The following SHANK2 variants were observed in gnomAD, a reference collection of about 807,000 sequenced individuals.
SHANK2 encodes the protein SH3 and multiple ankyrin repeat domains 2.
Under a neutral mutation model 133.7 loss-of-function variants are expected in SHANK2, and 43 were observed. The ratio of observed to expected loss-of-function variants is 0.32; its 90% CI spans 0.25 to 0.41. SHANK2 has a LOEUF of 0.41. SHANK2 is among the 10% of genes least tolerant of loss of function. The probability of loss-of-function intolerance (pLI) is 1.00; values close to 1 mark genes in which losing one functional copy is unlikely to be tolerated. For synonymous variants in SHANK2, 1,017 were observed against 952.8 expected, an observed-to-expected ratio of 1.07 and a Z score of -1.24; for missense variants, 1,994 against 2,235.8, an observed-to-expected ratio of 0.89 and a Z score of 2.18.
At chr11:71,228,737 G>A (rs781446303) in intron 1 of SHANK2, among the ~76,000 whole-genome samples, 25 of 152,288 alleles carry the variant, frequency 1.6e-4, no homozygotes, top group Non-Finnish European at 2.4e-4. Context: ...CAGCCTGGGC[G>A]ACAAGAGTAA....
At chr11:70,556,281 A>G (rs1554979528) in intron 17 of SHANK2, among the ~76,000 whole-genome samples, 1 of 152,104 alleles carries the variant, frequency 6.6e-6, no homozygotes, top group Admixed American at 6.5e-5. Context: ...TTGTTTGACC[A>G]CTCACCTACT....
At position 70,472,696 on chromosome 11, in the gene SHANK2, G is replaced by T; in HGVS notation, c.*173C>A. 1.5e-6 allele frequency: 1 copy of T among 682,394 alleles called. No individual in the cohort carries two copies. The allele number at this position is 682,394 out of a possible 1,614,324, so 42.3% of individuals were successfully genotyped here. ...AAGACACCCACATGGTGAGCCAGGG[G>T]TCTGAAGACCCAGCCATGTTGTGGA... On this transcript the variant is annotated 3_prime_UTR_variant, in exon 26 of 26. Transcript: ENST00000601538. The surrounding 1 kb of genome is among the most constrained non-coding windows in gnomAD (Gnocchi z 4.4).
At chr11:71,095,607 T>C (rs189717981) in intron 6 of SHANK2, among the ~76,000 whole-genome samples, 1 of 152,196 alleles carries the variant, frequency 6.6e-6, no homozygotes, top group Non-Finnish European at 1.5e-5. Flanking sequence ...TCGGATGCCT[T>C]TCACAAGGCG....
intron 17 of SHANK2, among the ~76,000 whole-genome samples, chr11:70,601,308 C>T (rs927235505): frequency 6.6e-6 from 1 of 152,168 alleles, no homozygotes; most frequent in East Asian, 1.9e-4. Flanking sequence ...CAACCTTTGC[C>T]TCCTGGATTC....
intron 11 of SHANK2, among the ~76,000 whole-genome samples, chr11:70,877,704 C>T (rs1272135925): frequency 6.6e-6 from 1 of 152,184 alleles, no homozygotes; most frequent in Non-Finnish European, 1.5e-5. Flanking sequence ...ATTGGCTGGA[C>T]TCCTGAAGCT....
intron 8 of SHANK2, among the ~76,000 whole-genome samples, chr11:71,086,579 A>G (rs1951423352): frequency 6.8e-6 from 1 of 147,906 alleles, no homozygotes; most frequent in South Asian, 2.1e-4. Context: ...TTAGACTTGG[A>G]GTTAAGCAGA....
At chr11:70,904,357 T>C (rs1172647098) in intron 10 of SHANK2, among the ~76,000 whole-genome samples, 3 of 152,082 alleles carry the variant, frequency 2.0e-5, no homozygotes, top group Admixed American at 2.0e-4. Context: ...TGCAATCCCA[T>C]GCCATCACCT....
intron 11 of SHANK2, among the ~76,000 whole-genome samples, chr11:70,837,975 CAAAAAAAA>C (rs55862093): frequency 6.3e-3 from 158 of 25,166 alleles, no homozygotes; most frequent in African/African-American, 0.018. Flanking sequence ...CATTCTGTCT[CAAAAAAAA>C]AAAAAAAAAA....
chr11:70,783,691 C>T (rs573702818), intron 14 of SHANK2, among the ~76,000 whole-genome samples: 7 of 150,934 alleles, frequency 4.6e-5, no homozygotes, highest in Admixed American at 2.6e-4. Context: ...GCAGAGGGGG[C>T]GTCTGGGTGG....
chr11:70,594,176 G>A (rs1554988778), intron 17 of SHANK2, among the ~76,000 whole-genome samples: 1 of 152,204 alleles, frequency 6.6e-6, no homozygotes, highest in African/African-American at 2.4e-5. Flanking sequence ...GTCAACAGTT[G>A]TGGTCTACCC....
chr11:71,147,237 T>G lies in SHANK2; in HGVS notation c.90A>C (p.Glu30Asp). 1.3e-6 allele frequency: 2 copies of G among 1,550,954 alleles called. No individual in the cohort carries two copies. The highest frequency in any genetic ancestry group is 8.7e-7 in the Non-Finnish European group (1 of 1,146,944). Residue 30 changes from glutamate (E) to aspartate (D), a missense_variant, in exon 3 of 26, where the codon GAA becomes GAC. By Grantham distance (45) the Glu-to-Asp change is conservative (BLOSUM62 2). Transcript: ENST00000601538. ...CCCGGATCGTGTCATAGATGGTCTC[T>G]TCTTTGGAGCTGTCTGACTCCGACC... ...SVGSESDSSKEETIYDTIRAT... is the reference protein window; with the variant it reads ...SVGSESDSSKDETIYDTIRAT...
In SHANK2 at chr11:70,867,857, G is replaced by A. The variant is rs567673329; in HGVS notation, c.1174+28644C>T. On this transcript the variant is annotated intron_variant, in intron 11 of 25. Coordinates refer to ENST00000601538, the MANE Select transcript of SHANK2 (RefSeq NM_012309.5). ...CGCCTCCACTGCTCCTGCACCGGCC[G>A]GCCCCCGCCTCCCGCCCATCCATCT... is the stretch of plus-strand genomic sequence containing the variant. Among the ~76,000 whole-genome samples, 295 of 152,274 alleles carry A rather than the reference G, an allele frequency of 1.9e-3. 1 individual carries two copies. The Middle Eastern group carries it at 0.027, about 14-fold the overall frequency.
At chr11:70,764,057 CCCACCAATCCATCCAT>C (rs1392683195) in intron 14 of SHANK2, among the ~76,000 whole-genome samples, 2 of 146,322 alleles carry the variant, frequency 1.4e-5, no homozygotes, top group Non-Finnish European at 3.0e-5. Flanking sequence ...CATCCATATA[CCCACCAATCCATCCAT>C]CCATCCATCC....
intron 17 of SHANK2, among the ~76,000 whole-genome samples, chr11:70,536,236 GT>G (rs369813497): frequency 2.0e-5 from 3 of 152,212 alleles, no homozygotes; most frequent in African/African-American, 7.2e-5. Context: ...GGAGCTCACA[GT>G]GCCAGGGGCT....
chr11:70,608,481 C>G (rs1243503565), intron 17 of SHANK2, among the ~76,000 whole-genome samples: 1 of 152,124 alleles, frequency 6.6e-6, no homozygotes, highest in Non-Finnish European at 1.5e-5. Context: ...AGTTCTGGGA[C>G]CTGGGCTAAG....
Position 70,472,398 on chromosome 11 carries a change from G to A in SHANK2, c.*471C>T. The A allele has an allele frequency of 5.3e-6, 1 of 188,026 alleles. No homozygotes were observed. Among genetic ancestry groups the A allele is most frequent in the Non-Finnish European group, 1.1e-5 (1 of 89,876 alleles). 11.6% of individuals were successfully genotyped at this position (188,026 alleles called of 1,614,324 possible). A position where few individuals can be genotyped will look rare whatever the true frequency, so the allele number is the denominator to read the frequency against. On this transcript the variant is annotated 3_prime_UTR_variant, in exon 26 of 26. Transcript: ENST00000601538. This position sits in a 1 kb window ranked among gnomAD's most constrained non-coding sequence, Gnocchi z 4.4. ...GAGAAAGAGGGGCAGGTGAGCATCA[G>A]GTGTCCTCTGAGAGGCCACAGGACT... is the stretch of plus-strand genomic sequence containing the variant.
chr11:70,734,359 G>A lies in SHANK2; in HGVS notation c.1778-35596C>T, dbSNP rs141462383. On this transcript the variant is annotated intron_variant, in intron 14 of 25. Coordinates refer to ENST00000601538, the MANE Select transcript of SHANK2 (RefSeq NM_012309.5). ...AGGTCGAGTGAAGGTGTGTGAAGGT[G>A]ACTTCAAAGGTGAGGCGCATTTCAT... Among the ~76,000 whole-genome samples, 124 of 152,350 alleles carry A rather than the reference G, an allele frequency of 8.1e-4. 1 individual carries two copies. Among genetic ancestry groups the A allele is most frequent in the African/African-American group, 2.9e-3 (119 of 41,578 alleles).
rs12574591 is a variant in SHANK2 at position 70,622,076 on chromosome 11, G to T, written c.2061+37752C>A. ...GGGCTGGCTGCCCCAGGCACATTGG[G>T]GCAAAGGGGTGTTTGCCTGTCACTA... On this transcript the variant is annotated intron_variant, in intron 17 of 25. Transcript: ENST00000601538. Among the ~76,000 whole-genome samples the T allele has an allele frequency of 1.2e-4, 19 of 152,262 alleles. No individual in the cohort carries two copies. The East Asian group carries it at 3.5e-3, about 28-fold the overall frequency.
chr11:70,942,639 C>T (rs1555084588), intron 10 of SHANK2: 3 of 456,950 alleles, frequency 6.6e-6, no homozygotes, highest in East Asian at 1.4e-4. Flanking sequence ...TTCCACTTCA[C>T]TTCTAACAGA....
Sources: gnomAD v4.1 joint callset for allele counts (sites outside exome capture counted in the v4.1 genomes callset) on GRCh38, gnomAD v4.1.1 for gene constraint, Gnocchi (gnomAD v3.1) non-coding constraint, MANE v1.5 for transcripts, NCBI Gene and HGNC (gene_info 2026-07-23, HGNC 2026-07-21) for gene names.